The following RIMS1 variants were observed in gnomAD, a reference collection of about 807,000 sequenced individuals.
RIMS1 encodes regulating synaptic membrane exocytosis protein 1.
In RIMS1, 83 loss-of-function variants were observed where a neutral mutation model predicts 214.1. The observed-to-expected ratio is 0.39, with a 90% CI of 0.32 to 0.47. The LOEUF (loss-of-function observed/expected upper bound fraction) is 0.47, where lower values mean the gene tolerates loss of function less well. Ranked by LOEUF, RIMS1 falls within the 20% of genes least tolerant of loss-of-function variation. The pLI, the probability that RIMS1 is intolerant of heterozygous loss-of-function variation, is 0.99. For missense variants in RIMS1, 2,050 were observed against 2,161.8 expected (o/e 0.95, Z 1.03); for synonymous variants, 793 against 786.8 (o/e 1.01, Z -0.13).
rs763313558 is a variant in RIMS1, at chr6:72,398,945, C to T, written c.4721-10C>T. On this transcript the variant is annotated splice_polypyrimidine_tract_variant and intron_variant, in intron 32 of 33. Transcript: ENST00000521978. ...AATAATTTCTTATATGTTAATATAC[C>T]TTTGTTTAGCTCCATATGTCAAAGT... 40 of 1,532,870 alleles carry T rather than the reference C, an allele frequency of 2.6e-5. No individual in the cohort carries two copies. The East Asian group carries it at 8.6e-4, about 33-fold the overall frequency. 95.0% of individuals were successfully genotyped at this position (1,532,870 alleles called of 1,614,324 possible).
intron 29 of RIMS1, among the ~76,000 whole-genome samples, chr6:72,380,729 T>G (rs2815744): frequency 0.032 from 4,876 of 152,206 alleles, 175 homozygotes; most frequent in African/African-American, 0.096. Flanking sequence ...ATAGGGTCTC[T>G]CTGTGTTGCC....
intron 2 of RIMS1, among the ~76,000 whole-genome samples, chr6:71,977,247 G>A (rs1330028058): frequency 6.6e-6 from 1 of 152,146 alleles, no homozygotes; most frequent in Non-Finnish European, 1.5e-5. Context: ...GCTGAGCCAT[G>A]TGGTCTTTCC....
At chr6:72,366,863 C>A (rs879443284) in intron 29 of RIMS1, 13 of 982,282 alleles carry the variant, frequency 1.3e-5, no homozygotes, top group Non-Finnish European at 1.5e-5. Flanking sequence ...TCAAGATAGA[C>A]AAGGTAAGTC....
At chr6:72,095,292 GAAGT>G (rs2031163161) in intron 2 of RIMS1, among the ~76,000 whole-genome samples, 2 of 152,128 alleles carry the variant, frequency 1.3e-5, no homozygotes, top group Non-Finnish European at 2.9e-5. Context: ...TTTAGTGGAA[GAAGT>G]AAGATTGCCG....
intron 29 of RIMS1, among the ~76,000 whole-genome samples, chr6:72,381,193 C>T (rs940111744): frequency 5.3e-5 from 8 of 152,068 alleles, no homozygotes; most frequent in African/African-American, 1.9e-4. Context: ...TAGGGTGGTC[C>T]CTCTTGTGCC....
intron 2 of RIMS1, among the ~76,000 whole-genome samples, chr6:72,082,348 T>C (rs1833601701): frequency 6.6e-6 from 1 of 152,216 alleles, no homozygotes; most frequent in Non-Finnish European, 1.5e-5. Flanking sequence ...GTACTTACTA[T>C]TGTCTCACAC....
chr6:71,908,742 A>G (rs1011428560), intron 1 of RIMS1, among the ~76,000 whole-genome samples: 1 of 152,148 alleles, frequency 6.6e-6, no homozygotes, highest in Non-Finnish European at 1.5e-5. Flanking sequence ...ATGTTACAAT[A>G]TGTTTTGTTC....
chr6:72,226,337 T>C (rs530175251), intron 6 of RIMS1, among the ~76,000 whole-genome samples: 1 of 152,198 alleles, frequency 6.6e-6, no homozygotes, highest in Non-Finnish European at 1.5e-5. Flanking sequence ...ACATAACTTT[T>C]AAAACTAGGA....
At chr6:72,307,427 A>T in intron 27 of RIMS1, 57 bp downstream of exon 27, 6 of 1,126,436 alleles carry the variant, frequency 5.3e-6, no homozygotes, top group Non-Finnish European at 7.7e-6. Context: ...TAGTGTGTGT[A>T]CCAGGCAGGA....
In RIMS1 at chr6:71,961,551, CTT is replaced by C. The variant is rs1792963404; in HGVS notation, c.165-7430_165-7429del. ...TTTGTAGCAATTATCTTCATTTTCT[CTT>C]TATTTTCACATCACCCTATTTCTCT... On this transcript the variant is annotated intron_variant, in intron 1 of 33. Coordinates refer to ENST00000521978, the MANE Select transcript of RIMS1 (RefSeq NM_014989.7). Among the ~76,000 whole-genome samples the C allele has an allele frequency of 2.0e-5, 3 of 152,154 alleles. No individual in the cohort carries two copies. In the South Asian group the frequency reaches 6.2e-4, roughly 32 times the overall value.
chr6:72,231,241 T>C (rs1407964571), intron 6 of RIMS1, among the ~76,000 whole-genome samples: 1 of 151,674 alleles, frequency 6.6e-6, no homozygotes, highest in Non-Finnish European at 1.5e-5. Flanking sequence ...ATTAGAGGGA[T>C]AGAAGAAACA....
chr6:71,940,025 A>C (rs2151003141), intron 1 of RIMS1, among the ~76,000 whole-genome samples: 1 of 152,312 alleles, frequency 6.6e-6, no homozygotes, highest in Middle Eastern at 3.4e-3. Context: ...GATAATCACC[A>C]TATTCACCTC....
At chr6:72,383,227 A>C (rs2098523596) in intron 29 of RIMS1, among the ~76,000 whole-genome samples, 1 of 152,088 alleles carries the variant, frequency 6.6e-6, no homozygotes, top group South Asian at 2.1e-4. Context: ...AAATAAACCC[A>C]CTGCACAGCA....
At chr6:72,077,892 C>A (rs921808275) in intron 2 of RIMS1, among the ~76,000 whole-genome samples, 10 of 152,114 alleles carry the variant, frequency 6.6e-5, no homozygotes, top group Non-Finnish European at 1.3e-4. Flanking sequence ...GGACATTCGA[C>A]GAAACCCTTT....
At chr6:71,998,019 A>G (rs1043901729) in intron 2 of RIMS1, among the ~76,000 whole-genome samples, 21 of 152,068 alleles carry the variant, frequency 1.4e-4, no homozygotes, top group African/African-American at 5.1e-4. Context: ...CATTGCCAGT[A>G]AAAAATATTG....
intron 6 of RIMS1, among the ~76,000 whole-genome samples, chr6:72,229,264 A>C (rs929886132): frequency 1.1e-4 from 8 of 72,688 alleles, no homozygotes; most frequent in African/African-American, 6.3e-4. Context: ...AATAAAATTA[A>C]CAGAAAGTAT....
intron 24 of RIMS1, among the ~76,000 whole-genome samples, chr6:72,289,583 A>G (rs867139225): frequency 7.9e-5 from 12 of 152,230 alleles, no homozygotes; most frequent in Middle Eastern, 3.4e-3. Flanking sequence ...TCAACCTGAC[A>G]TTTTCCTGTT....
intron 4 of RIMS1, chr6:72,148,725 T>G (rs2043090428): frequency 2.3e-6 from 1 of 438,634 alleles, no homozygotes; most frequent in Admixed American, 2.6e-5. Context: ...TTTTTTTTTT[T>G]TTTCTAGGGC....
At chr6:72,176,350 G>T (rs2047705640) in intron 4 of RIMS1, among the ~76,000 whole-genome samples, 1 of 152,222 alleles carries the variant, frequency 6.6e-6, no homozygotes, top group South Asian at 2.1e-4. Flanking sequence ...TATAGCTTCA[G>T]GCAAATATAA....
Sources: gnomAD v4.1 joint callset for allele counts (sites outside exome capture counted in the v4.1 genomes callset) on GRCh38, gnomAD v4.1.1 for gene constraint, MANE v1.5 for transcripts, NCBI Gene and HGNC (gene_info 2026-07-23, HGNC 2026-07-21) for gene names.